CD28: variants seen among roughly 807,000 people sequenced by gnomAD.
CD28 encodes the protein T-cell-specific surface glycoprotein CD28.
CD28 carries 8 observed loss-of-function variants against 21.4 expected under a neutral mutation model. The observed-to-expected ratio is 0.37, with a 90% CI of 0.22 to 0.68. CD28 has a LOEUF of 0.68. Ranked by LOEUF, CD28 falls within the 30% of genes least tolerant of loss-of-function variation. The pLI, the probability that CD28 is intolerant of heterozygous loss-of-function variation, is 0.55. For synonymous variants in CD28, 106 were observed against 104.0 expected, an observed-to-expected ratio of 1.02 and a Z score of -0.12; for missense variants, 239 against 272.2, an observed-to-expected ratio of 0.88 and a Z score of 0.86.
At chr2:203,711,834 CAACTT>C (rs1348162050) in intron 1 of CD28, among the ~76,000 whole-genome samples, 5 of 152,164 alleles carry the variant, frequency 3.3e-5, no homozygotes, top group African/African-American at 7.2e-5. Context: ...AAGTGTATCT[CAACTT>C]AACAAATATT....
Position 203,738,158 on chromosome 2 carries a change from A to G in CD28, c.*3246A>G, listed in dbSNP as rs1266264088. On this transcript the variant is annotated 3_prime_UTR_variant, in exon 4 of 4. Transcript: ENST00000324106. ...TGTTCTGTGTCATGTGAATGCTGAG[A>G]AGTTTGACAGAGATCCAACTTCAGC... The G allele has an allele frequency of 1.3e-5, 2 of 152,114 alleles. No homozygotes were observed. Among genetic ancestry groups the G allele is most frequent in the Non-Finnish European group, 2.9e-5 (2 of 68,032 alleles). The allele number at this position is 152,114 out of a possible 1,614,324, so 9.4% of individuals were successfully genotyped here.
Position 203,729,692 on chromosome 2 carries a change from C to G in CD28, c.454C>G (p.Pro152Ala). 1 of 1,613,998 alleles carries G rather than the reference C, an allele frequency of 6.2e-7. No homozygotes were observed. The highest frequency in any genetic ancestry group is 1.1e-5 in the South Asian group (1 of 91,078). Residue 152 changes from proline (P) to alanine (A), a missense_variant, in exon 3 of 4, where the codon CCC becomes GCC. This residue lies in a region of CD28 where 112 missense variants were observed against 112.8 expected (regional missense o/e 0.99). Coordinates refer to ENST00000324106, the MANE Select transcript of CD28 (RefSeq NM_006139.4). ...TCCCCTATTTCCCGGACCTTCTAAGCCCTTTTGGGTGCTGGTGGTGGTTGG... is the reference window on the plus strand; with the variant it reads ...TCCCCTATTTCCCGGACCTTCTAAGGCCTTTTGGGTGCTGGTGGTGGTTGG... ...PSPLFPGPSK[P>A]FWVLVVVGGV...
At chr2:203,717,256 T>A (rs1193999403) in intron 1 of CD28, among the ~76,000 whole-genome samples, 1 of 152,232 alleles carries the variant, frequency 6.6e-6, no homozygotes, top group Non-Finnish European at 1.5e-5. Context: ...AACCATACTT[T>A]CTGTCAAGAA....
chr2:203,706,540 G>T (rs769258035), upstream of CD28: 25 of 1,559,012 alleles, frequency 1.6e-5, no homozygotes, highest in East Asian at 5.8e-4. Context: ...TGTGGTTTGA[G>T]TGCCTTGATC....
chr2:203,719,603 T>C (rs1457507933), intron 1 of CD28, among the ~76,000 whole-genome samples: 4 of 152,328 alleles, frequency 2.6e-5, no homozygotes, highest in East Asian at 3.9e-4. Flanking sequence ...GGATCACTTA[T>C]GTTTCCTGTA....
chr2:203,723,345 G>A (rs977325818), intron 1 of CD28, among the ~76,000 whole-genome samples: 5 of 151,976 alleles, frequency 3.3e-5, no homozygotes, highest in African/African-American at 1.2e-4. Flanking sequence ...AAATTAGCTG[G>A]GGGTGGTGGT....
chr2:203,716,539 G>T (rs1693466892), intron 1 of CD28, among the ~76,000 whole-genome samples: 1 of 152,264 alleles, frequency 6.6e-6, no homozygotes, highest in African/African-American at 2.4e-5. Flanking sequence ...GAATACCAAA[G>T]GACGATTCTG....
intron 1 of CD28, among the ~76,000 whole-genome samples, chr2:203,707,734 G>A (rs920698199): frequency 8.5e-5 from 13 of 152,172 alleles, no homozygotes; most frequent in African/African-American, 3.1e-4. Flanking sequence ...GCCCAAGGAT[G>A]TACAGGTGGC....
At position 203,713,505 on chromosome 2, in the gene CD28, G is replaced by A. The variant is rs1048903119; in HGVS notation, c.52+6757G>A. On this transcript the variant is annotated intron_variant, in intron 1 of 3. Transcript: ENST00000324106. ...TGCCACTAAGCCAATGAGGGAAAGA[G>A]TTTCAAAAAGATAGTGGTTAATAGC... is the stretch of plus-strand genomic sequence containing the variant. Among the ~76,000 whole-genome samples, 14 of 152,228 alleles carry A rather than the reference G, an allele frequency of 9.2e-5. 1 individual carries two copies. The East Asian group carries it at 1.5e-3, about 17-fold the overall frequency.
At chr2:203,734,632 T>C in intron 3 of CD28, 152 bp from the exon 4 acceptor site, 2 of 830,644 alleles carry the variant, frequency 2.4e-6, no homozygotes, top group Non-Finnish European at 4.0e-6. Flanking sequence ...TTGGGTGTGA[T>C]TAGTCATTAC....
Position 203,738,826 on chromosome 2 carries a change from G to T in CD28, c.*3914G>T, listed in dbSNP as rs1219580711. 6.6e-6 allele frequency: 1 copy of T among 152,004 alleles called. No individual in the cohort carries two copies. Among genetic ancestry groups the T allele is most frequent in the Non-Finnish European group, 1.5e-5 (1 of 67,992 alleles). 9.4% of individuals were successfully genotyped at this position (152,004 alleles called of 1,614,324 possible). A position where few individuals can be genotyped will look rare whatever the true frequency, so the allele number is the denominator to read the frequency against. ...TATTTGTAGTTTATAAGCTTCATGA[G>T]GCAAGTAACTTTGCTTTGTTTCTTG... On this transcript the variant is annotated 3_prime_UTR_variant, in exon 4 of 4. Transcript: ENST00000324106.
chr2:203,719,540 AG>A (rs750295697), intron 1 of CD28, among the ~76,000 whole-genome samples: 68 of 152,328 alleles, frequency 4.5e-4, no homozygotes, highest in Admixed American at 5.9e-4. Flanking sequence ...GCAACATGGC[AG>A]AAGGAAATGA....
intron 1 of CD28, among the ~76,000 whole-genome samples, chr2:203,707,792 G>A (rs928011708): frequency 1.3e-5 from 2 of 152,128 alleles, no homozygotes; most frequent in East Asian, 1.9e-4. Context: ...CTCCAGTGCC[G>A]GTGTTGTTGA....
intron 1 of CD28, among the ~76,000 whole-genome samples, chr2:203,723,426 G>A (rs955500544): frequency 1.5e-4 from 23 of 151,876 alleles, no homozygotes; most frequent in Admixed American, 7.9e-4. Flanking sequence ...GGCAGAGGCT[G>A]CAGTGAGCCA....
Position 203,738,559 on chromosome 2 carries a change from A to T in CD28, c.*3647A>T, listed in dbSNP as rs1163369249. 1.3e-5 allele frequency: 2 copies of T among 152,304 alleles called. No individual in the cohort carries two copies. The highest frequency in any genetic ancestry group is 1.9e-4 in the East Asian group (1 of 5,188). 9.4% of individuals were successfully genotyped at this position (152,304 alleles called of 1,614,324 possible). A position where few individuals can be genotyped will look rare whatever the true frequency, so the allele number is the denominator to read the frequency against. On this transcript the variant is annotated 3_prime_UTR_variant, in exon 4 of 4. Coordinates refer to ENST00000324106, the MANE Select transcript of CD28 (RefSeq NM_006139.4). ...GATATATGCATACTTTCTGACATAT[A>T]GGAATGTATCAGGAATACTCAACCA...
At chr2:203,724,284 A>C (rs1331570355) in intron 1 of CD28, among the ~76,000 whole-genome samples, 1 of 152,154 alleles carries the variant, frequency 6.6e-6, no homozygotes, top group African/African-American at 2.4e-5. Flanking sequence ...GAGTAATGAA[A>C]ATGTTCTGGA....
intron 1 of CD28, among the ~76,000 whole-genome samples, chr2:203,721,462 C>T (rs529225052): frequency 1.3e-5 from 2 of 152,178 alleles, no homozygotes; most frequent in South Asian, 2.1e-4. Context: ...CACTCTTACC[C>T]TCCTCATCTC....
At chr2:203,721,375 G>C (rs1314962873) in intron 1 of CD28, among the ~76,000 whole-genome samples, 1 of 152,120 alleles carries the variant, frequency 6.6e-6, no homozygotes, top group African/African-American at 2.4e-5. Context: ...AGTGAACTAT[G>C]CTTGCTCTGA....
intron 1 of CD28, among the ~76,000 whole-genome samples, chr2:203,719,733 A>T (rs4675360): frequency 0.075 from 11,424 of 152,206 alleles, 920 homozygotes; most frequent in East Asian, 0.47. Context: ...GAGATAAGAG[A>T]CAGCATTTTA....
Sources: allele counts gnomAD v4.1 joint callset (sites outside exome capture counted in the v4.1 genomes callset), GRCh38; gene constraint gnomAD v4.1.1; regional missense constraint gnomAD v4.1.1; transcripts MANE v1.5; gene names NCBI Gene and HGNC (gene_info 2026-07-23, HGNC 2026-07-21).